LARGE1: variants seen among roughly 807,000 people sequenced by gnomAD.
The protein encoded by LARGE1 is xylosyl- and glucuronyltransferase LARGE1.
A neutral mutation model predicts 87.6 loss-of-function variants in LARGE1; 43 were observed. That is an observed-to-expected ratio of 0.49 (90% CI 0.38 to 0.63). The LOEUF (loss-of-function observed/expected upper bound fraction) is 0.63, where lower values mean the gene tolerates loss of function less well. LARGE1 is among the 30% of genes least tolerant of loss of function. The probability of loss-of-function intolerance (pLI) is 0.00; values close to 1 mark genes in which losing one functional copy is unlikely to be tolerated. For missense variants in LARGE1, 802 were observed against 1,000.2 expected (o/e 0.80, Z 2.67); for synonymous variants, 434 against 394.6 (o/e 1.10, Z -1.18).
the LARGE1 span, among the ~76,000 whole-genome samples, chr22:33,138,194 C>T: frequency 0.011 from 1,615 of 152,218 alleles, 35 homozygotes; most frequent in African/African-American, 0.035. Flanking sequence ...ATGACCTGGA[C>T]GTGAGACATG....
intron 1 of LARGE1, among the ~76,000 whole-genome samples, chr22:33,868,660 C>T (rs1356778139): frequency 1.3e-5 from 2 of 152,186 alleles, no homozygotes; most frequent in Non-Finnish European, 2.9e-5. Context: ...CCATCAAAAA[C>T]ATTTCTGTGC....
At chr22:33,334,176 G>A (rs559146411) in intron 10 of LARGE1, among the ~76,000 whole-genome samples, 76 of 151,942 alleles carry the variant, frequency 5.0e-4, no homozygotes, top group African/African-American at 1.7e-3. Context: ...ACTTTGGGAG[G>A]CCGAGGCAGG....
At chr22:33,185,097 T>G (rs1226557624) in intron 11 of LARGE1, among the ~76,000 whole-genome samples, 1 of 152,158 alleles carries the variant, frequency 6.6e-6, no homozygotes, top group Non-Finnish European at 1.5e-5. Context: ...ACAAAAACCT[T>G]TATTTGAACA....
At chr22:33,802,412 T>C (rs2146089636) in intron 1 of LARGE1, among the ~76,000 whole-genome samples, 1 of 152,328 alleles carries the variant, frequency 6.6e-6, no homozygotes, top group South Asian at 2.1e-4. Context: ...TGAAGGCAGC[T>C]GCCACCTACC....
the LARGE1 span, among the ~76,000 whole-genome samples, chr22:33,088,222 G>T: frequency 1.3e-5 from 2 of 152,126 alleles, no homozygotes; most frequent in Non-Finnish European, 2.9e-5. Flanking sequence ...GACTAGTGGG[G>T]ATACTAGAGG....
chr22:33,306,065 C>T (rs952067302), intron 11 of LARGE1, among the ~76,000 whole-genome samples: 6 of 152,046 alleles, frequency 3.9e-5, no homozygotes, highest in African/African-American at 9.7e-5. Context: ...AGCATGGTCT[C>T]GATCTCCTGA....
intron 6 of LARGE1, among the ~76,000 whole-genome samples, chr22:33,477,735 A>G (rs1289236911): frequency 6.6e-6 from 1 of 152,232 alleles, no homozygotes; most frequent in Non-Finnish European, 1.5e-5. Flanking sequence ...AGTACTAAGC[A>G]TTGCAATTCA....
chr22:33,348,212 A>G (rs1362157254), intron 9 of LARGE1, among the ~76,000 whole-genome samples: 3 of 151,796 alleles, frequency 2.0e-5, no homozygotes, highest in African/African-American at 7.3e-5. Flanking sequence ...GGTTGCGATG[A>G]GCCAAGATTG....
At chr22:33,398,088 C>A (rs572266913) in intron 7 of LARGE1, among the ~76,000 whole-genome samples, 27 of 152,090 alleles carry the variant, frequency 1.8e-4, no homozygotes, top group South Asian at 1.5e-3. Context: ...TGGAAATGAG[C>A]GAATTTCTGG....
intron 6 of LARGE1, among the ~76,000 whole-genome samples, chr22:33,484,304 T>C (rs5998964): frequency 0.021 from 3,240 of 152,298 alleles, 85 homozygotes; most frequent in African/African-American, 0.064. Flanking sequence ...GGAGTTTCAA[T>C]GTAATGATTA....
Position 33,756,153 on chromosome 22 carries a change from A to C in LARGE1, c.106+5218T>G, listed in dbSNP as rs115965582. 4.7e-3 allele frequency among the ~76,000 whole-genome samples: 716 copies of C among 152,296 alleles called. 4 individuals carry two copies. The highest frequency in any genetic ancestry group is 0.017 in the African/African-American group (690 of 41,562). ...AAAAAACAATTGTGGAAGACCCCAG[A>C]GTCATGGTAAGGAGTCCACAGTGGA... On this transcript the variant is annotated intron_variant, in intron 2 of 14. Transcript: ENST00000397394.
rs542583018 is a variant in LARGE1, at chr22:33,556,682, ACT to A, written c.787+8164_787+8165del. Among the ~76,000 whole-genome samples, 432 of 150,088 alleles carry A rather than the reference ACT, an allele frequency of 2.9e-3. 2 individuals are homozygous for A. The highest frequency in any genetic ancestry group is 5.2e-3 in the Non-Finnish European group (349 of 67,512). ...GTTAGGGTTGGTTTCTGGTCTGTGAACTCTCTGAAATTTCAGGCTGAAGAACA... is the reference window on the plus strand; with the variant it reads ...GTTAGGGTTGGTTTCTGGTCTGTGAACTCTGAAATTTCAGGCTGAAGAACA... On this transcript the variant is annotated intron_variant, in intron 6 of 14. Transcript: ENST00000397394.
intron 1 of LARGE1, among the ~76,000 whole-genome samples, chr22:33,890,535 C>T (rs1192553299): frequency 6.6e-6 from 1 of 152,130 alleles, no homozygotes; most frequent in African/African-American, 2.4e-5. Flanking sequence ...AACTCTGCAA[C>T]AGAACTTCAC....
chr22:33,679,342 T>C (rs542169924), intron 2 of LARGE1, among the ~76,000 whole-genome samples: 1 of 152,258 alleles, frequency 6.6e-6, no homozygotes, highest in South Asian at 2.1e-4. Flanking sequence ...TGTGACCTTA[T>C]TTGGAAATAA....
chr22:33,483,198 T>C (rs941395609), intron 6 of LARGE1, among the ~76,000 whole-genome samples: 2 of 152,198 alleles, frequency 1.3e-5, no homozygotes, highest in Non-Finnish European at 2.9e-5. Context: ...AAGGGTTACA[T>C]AGCATCATCC....
At chr22:33,567,458 G>A (rs577499564) in intron 5 of LARGE1, among the ~76,000 whole-genome samples, 1 of 152,288 alleles carries the variant, frequency 6.6e-6, no homozygotes, top group African/African-American at 2.4e-5. Flanking sequence ...TCTGTGGGAT[G>A]TATGCAGGAG....
At chr22:33,520,161 C>T (rs1182237897) in intron 6 of LARGE1, among the ~76,000 whole-genome samples, 1 of 151,902 alleles carries the variant, frequency 6.6e-6, no homozygotes, top group Non-Finnish European at 1.5e-5. Flanking sequence ...TGTGCTGCCA[C>T]GCCTGGCTAA....
chr22:33,474,011 G>T (rs974057712), intron 6 of LARGE1, among the ~76,000 whole-genome samples: 2 of 152,124 alleles, frequency 1.3e-5, no homozygotes, highest in Non-Finnish European at 2.9e-5. Context: ...GGGGAAAGGA[G>T]GTTGGTCTGC....
At chr22:33,426,762 A>G (rs555815503) in intron 7 of LARGE1, among the ~76,000 whole-genome samples, 2 of 152,262 alleles carry the variant, frequency 1.3e-5, no homozygotes, top group East Asian at 1.9e-4. Flanking sequence ...CTCCCTCCCT[A>G]AACAGCCAGG....
Sources: gnomAD v4.1 joint callset for allele counts (sites outside exome capture counted in the v4.1 genomes callset) on GRCh38, gnomAD v4.1.1 for gene constraint, MANE v1.5 for transcripts, NCBI Gene and HGNC (gene_info 2026-07-23, HGNC 2026-07-21) for gene names.